Variants in ADAMTS15 observed in about 807,000 individuals in gnomAD.
ADAMTS15 encodes A disintegrin and metalloproteinase with thrombospondin motifs 15.
A neutral mutation model predicts 79.1 loss-of-function variants in ADAMTS15; 35 were observed. The observed-to-expected ratio is 0.44, with a 90% CI of 0.34 to 0.59. The LOEUF (loss-of-function observed/expected upper bound fraction) is 0.59. Ranked by LOEUF, ADAMTS15 falls within the 20% of genes least tolerant of loss-of-function variation. ADAMTS15 has a pLI of 0.02. For missense variants in ADAMTS15, 1,324 were observed against 1,318.7 expected (o/e 1.00, Z -0.06); for synonymous variants, 616 against 567.3 (o/e 1.09, Z -1.22).
In ADAMTS15 at chr11:130,474,077, G is replaced by A; in HGVS notation, c.*256G>A. 2.1e-6 allele frequency: 1 copy of A among 476,050 alleles called. No homozygotes were observed. 29.5% of individuals were successfully genotyped at this position (476,050 alleles called of 1,614,324 possible). On this transcript the variant is annotated 3_prime_UTR_variant, in exon 8 of 8. Coordinates refer to ENST00000299164, the MANE Select transcript of ADAMTS15 (RefSeq NM_139055.4). Reference sequence around the variant, plus strand: ...CGGTTGCGGGGAGAGGCTTTGAGGTGCAGGGCAGAAGGTGCTGAGGCCCAG... The same window carrying A: ...CGGTTGCGGGGAGAGGCTTTGAGGTACAGGGCAGAAGGTGCTGAGGCCCAG...
At chr11:130,453,221 G>A (rs1938001036) in intron 1 of ADAMTS15, among the ~76,000 whole-genome samples, 1 of 151,528 alleles carries the variant, frequency 6.6e-6, no homozygotes, top group African/African-American at 2.4e-5. Flanking sequence ...GTCGTCAGAT[G>A]CCCTCTCCTC....
At position 130,473,435 on chromosome 11, in the gene ADAMTS15, A is replaced by G; in HGVS notation, c.2467A>G (p.Asn823Asp). 6.2e-7 allele frequency: 1 copy of G among 1,612,758 alleles called. No homozygotes were observed. The highest frequency in any genetic ancestry group is 1.6e-4 in the Middle Eastern group (1 of 6,062). Residue 823 changes from asparagine (N) to aspartate (D), a missense_variant, in exon 8 of 8, where the codon AAC (asparagine) becomes GAC (aspartate). Physicochemically the swap from Asn to Asp is conservative, Grantham distance 23 (BLOSUM62 1). Coordinates refer to ENST00000299164, the MANE Select transcript of ADAMTS15 (RefSeq NM_139055.4). ...KDPRGPSVLH[N>D]SVLSLSNQVE... is the part of the protein sequence containing the mutation. Reference sequence around the variant, plus strand: ...CCCCCGGGGACCCTCTGTCTTGCACAACAGCGTCCTCAGCCTCTCCAACCA... The same window carrying G: ...CCCCCGGGGACCCTCTGTCTTGCACGACAGCGTCCTCAGCCTCTCCAACCA...
At chr11:130,461,414 C>T (rs1938195488) in intron 1 of ADAMTS15, 75 bp from the exon 2 acceptor site, 1 of 1,602,938 alleles carries the variant, frequency 6.2e-7, no homozygotes, top group African/African-American at 1.3e-5. Context: ...TATAGGATGT[C>T]CTTTCTTCCC....
intron 5 of ADAMTS15, among the ~76,000 whole-genome samples, chr11:130,470,180 A>ATATATG (rs1223836145): frequency 1.6e-4 from 7 of 44,796 alleles, no homozygotes; most frequent in Admixed American, 1.5e-3. Flanking sequence ...ATATATATAT[A>ATATATG]TGTGTGTATA....
intron 1 of ADAMTS15, among the ~76,000 whole-genome samples, chr11:130,456,693 A>G (rs1378546603): frequency 6.6e-6 from 1 of 152,196 alleles, no homozygotes; most frequent in African/African-American, 2.4e-5. Flanking sequence ...AGACCAAAGA[A>G]CATAGCTTTG....
chr11:130,448,939 C>A lies in ADAMTS15; in HGVS notation c.-35C>A. ...AGCGGCCGGAGAGCCCGGCCCAGCC[C>A]CTTCCCACAGCGCGGCGGTGCGCTG... is the stretch of plus-strand genomic sequence containing the variant. On this transcript the variant is annotated 5_prime_UTR_variant, in exon 1 of 8. Coordinates refer to ENST00000299164, the MANE Select transcript of ADAMTS15 (RefSeq NM_139055.4). The A allele has an allele frequency of 6.8e-7, 1 of 1,465,262 alleles. No individual in the cohort carries two copies. The highest frequency in any genetic ancestry group is 2.4e-5 in the East Asian group (1 of 41,678). 90.8% of individuals were successfully genotyped at this position (1,465,262 alleles called of 1,614,324 possible). A position where few individuals can be genotyped will look rare whatever the true frequency, so the allele number is the denominator to read the frequency against.
intron 1 of ADAMTS15, among the ~76,000 whole-genome samples, chr11:130,455,486 T>C (rs182162272): frequency 6.6e-6 from 1 of 152,308 alleles, no homozygotes; most frequent in African/African-American, 2.4e-5. Flanking sequence ...TCCCTGCAAG[T>C]CGGCTGTTCA....
rs1339691631 is a variant in ADAMTS15, at chr11:130,459,286, G to A, written c.958-2203G>A. 4.6e-5 allele frequency among the ~76,000 whole-genome samples: 7 copies of A among 152,062 alleles called. No individual in the cohort carries two copies. The East Asian group carries it at 1.2e-3, about 25-fold the overall frequency. ...GAGGCAGGAGAATCGCTTGAACCTG[G>A]GAGGCAGAGCTGGGATTACAGGTGT... On this transcript the variant is annotated intron_variant, in intron 1 of 7. Coordinates refer to ENST00000299164, the MANE Select transcript of ADAMTS15 (RefSeq NM_139055.4).
intron 4 of ADAMTS15, among the ~76,000 whole-genome samples, chr11:130,468,160 G>A (rs1259249471): frequency 5.3e-5 from 8 of 152,204 alleles, no homozygotes; most frequent in Admixed American, 2.0e-4. Context: ...TTTTGCCGGG[G>A]CCAGCGTGGT....
In ADAMTS15 at chr11:130,449,725, G is replaced by A; in HGVS notation, c.752G>A (p.Arg251Gln). The A allele has an allele frequency of 1.9e-6, 3 of 1,612,192 alleles. No homozygotes were observed. Among genetic ancestry groups the A allele is most frequent in the Non-Finnish European group, 2.5e-6 (3 of 1,179,626 alleles). The change falls in exon 1 of 8, where the codon CGA becomes CAA. Residue 251 changes from arginine to glutamine, a missense_variant. Physicochemically the swap from Arg to Gln is conservative, Grantham distance 43 (BLOSUM62 1). Transcript: ENST00000299164. This position sits in a 1 kb window ranked among gnomAD's most constrained non-coding sequence, Gnocchi z 7.8. ...YLLTLLATAA[R>Q]LYRHPSILNP... ...CTGACGCTGCTGGCAACGGCGGCGC[G>A]ACTCTACCGCCATCCCAGCATCCTC...
chr11:130,449,507 G>C lies in ADAMTS15; in HGVS notation c.534G>C (p.Ser178=), dbSNP rs755494475. 1 of 1,554,664 alleles carries C rather than the reference G, an allele frequency of 6.4e-7. No individual in the cohort carries two copies. Residue 178 remains serine (S), a synonymous_variant, in exon 1 of 8, where the codon TCG becomes TCC. Coordinates refer to ENST00000299164, the MANE Select transcript of ADAMTS15 (RefSeq NM_139055.4). This position sits in a 1 kb window ranked among gnomAD's most constrained non-coding sequence, Gnocchi z 7.8. ...GDPTSRCGVA[S]GWNPAILRAL... The stretch of plus-strand genomic sequence containing the variant: ...CCACCTCTCGCTGCGGGGTGGCCTC[G>C]GGCTGGAACCCCGCCATCCTACGGG...
intron 1 of ADAMTS15, among the ~76,000 whole-genome samples, chr11:130,456,594 T>C (rs1276902338): frequency 6.6e-6 from 1 of 152,180 alleles, no homozygotes; most frequent in African/African-American, 2.4e-5. Flanking sequence ...GAGATTCGGA[T>C]GGGAAACAAG....
chr11:130,458,413 C>T (rs1033592616), intron 1 of ADAMTS15, among the ~76,000 whole-genome samples: 5 of 152,308 alleles, frequency 3.3e-5, no homozygotes, highest in South Asian at 2.1e-4. Flanking sequence ...TGAATCTCCA[C>T]GTGGGTGACT....
chr11:130,474,029 A>G lies in ADAMTS15; in HGVS notation c.*208A>G. ...AAGCCCAGGAACTCCCGCACAGTCT[A>G]CCTCAGGCCCCGCTCCTCGGGCCGG... On this transcript the variant is annotated 3_prime_UTR_variant, in exon 8 of 8. Coordinates refer to ENST00000299164, the MANE Select transcript of ADAMTS15 (RefSeq NM_139055.4). 1.5e-6 allele frequency: 1 copy of G among 659,714 alleles called. No individual in the cohort carries two copies. The highest frequency in any genetic ancestry group is 2.4e-6 in the Non-Finnish European group (1 of 414,762). 40.9% of individuals were successfully genotyped at this position (659,714 alleles called of 1,614,324 possible). A position where few individuals can be genotyped will look rare whatever the true frequency, so the allele number is the denominator to read the frequency against.
intron 2 of ADAMTS15, 146 bp downstream of exon 2, chr11:130,461,767 T>C (rs1938204081): frequency 3.8e-6 from 5 of 1,298,750 alleles, no homozygotes; most frequent in Non-Finnish European, 4.1e-6. Flanking sequence ...AGCTTTGTAC[T>C]TTTTCCGATT....
rs1195440662 is a variant in ADAMTS15 at position 130,449,394 on chromosome 11, A to G, written c.421A>G (p.Asn141Asp). 1.3e-6 allele frequency: 2 copies of G among 1,599,998 alleles called. No homozygotes were observed. Among genetic ancestry groups the G allele is most frequent in the East Asian group, 4.5e-5 (2 of 44,738 alleles). ...GAEYVISPLP[N>D]ASAPAAQRNS... is the part of the protein sequence containing the mutation. The stretch of plus-strand genomic sequence containing the variant: ...CGAGTATGTCATTAGCCCGCTGCCC[A>G]ATGCTAGCGCGCCGGCGGCGCAGCG... Residue 141 changes from asparagine to aspartate, a missense_variant, in exon 1 of 8, where the codon AAT becomes GAT. Physicochemically the swap from Asn to Asp is conservative, Grantham distance 23. Coordinates refer to ENST00000299164, the MANE Select transcript of ADAMTS15 (RefSeq NM_139055.4). This position sits in a 1 kb window ranked among gnomAD's most constrained non-coding sequence, Gnocchi z 7.8.
Position 130,462,036 on chromosome 11 carries a change from A to G in ADAMTS15, c.1091-51A>G, listed in dbSNP as rs765107810. 2 of 1,548,644 alleles carry G rather than the reference A, an allele frequency of 1.3e-6. No homozygotes were observed. The highest frequency in any genetic ancestry group is 2.3e-5 in the East Asian group (1 of 44,038). On this transcript the variant is annotated intron_variant, in intron 2 of 7. Coordinates refer to ENST00000299164, the MANE Select transcript of ADAMTS15 (RefSeq NM_139055.4). This position sits in a 1 kb window ranked among gnomAD's most constrained non-coding sequence, Gnocchi z 4.3. Reference sequence around the variant, plus strand: ...TTCCCCTGCCCCATTCCTCCCTCCAACCCCCATGTCCTTCCTCCTGCCCTC... The same window carrying G: ...TTCCCCTGCCCCATTCCTCCCTCCAGCCCCCATGTCCTTCCTCCTGCCCTC...
At chr11:130,460,942 C>T (rs1294669764) in intron 1 of ADAMTS15, among the ~76,000 whole-genome samples, 1 of 152,342 alleles carries the variant, frequency 6.6e-6, no homozygotes. Flanking sequence ...TGGGGTCCAC[C>T]TCAATGCTTC....
chr11:130,468,424 AG>A (rs201179740), intron 4 of ADAMTS15, among the ~76,000 whole-genome samples: 4,477 of 152,046 alleles, frequency 0.029, 171 homozygotes, highest in African/African-American at 0.095. Context: ...TGAGGTCGGG[AG>A]TTTGAGACCA....
Sources: allele counts gnomAD v4.1 joint callset (sites outside exome capture counted in the v4.1 genomes callset), GRCh38; gene constraint gnomAD v4.1.1; non-coding constraint Gnocchi (gnomAD v3.1); transcripts MANE v1.5; gene names NCBI Gene and HGNC (gene_info 2026-07-23, HGNC 2026-07-21).